Variants in LRP1B observed in about 807,000 individuals in gnomAD.
LRP1B encodes the protein low-density lipoprotein receptor-related protein 1B.
Under a neutral mutation model 556.6 loss-of-function variants are expected in LRP1B, and 217 were observed. The ratio of observed to expected loss-of-function variants is 0.39; its 90% CI spans 0.35 to 0.44. LRP1B has a LOEUF of 0.44. Ranked by LOEUF, LRP1B falls within the 20% of genes least tolerant of loss-of-function variation. The pLI is 1.00. For missense variants in LRP1B, 5,053 were observed against 5,620.8 expected (o/e 0.90, Z 3.23); for synonymous variants, 2,047 against 1,865.8 (o/e 1.10, Z -2.50).
intron 1 of LRP1B, among the ~76,000 whole-genome samples, chr2:141,856,883 G>C (rs1201023324): frequency 6.6e-6 from 1 of 151,144 alleles, no homozygotes; most frequent in Non-Finnish European, 1.5e-5. Flanking sequence ...TTTATTAAGA[G>C]TGGTAAAATA....
At position 140,501,837 on chromosome 2, in the gene LRP1B, A is replaced by AT; in HGVS notation, c.8699dup (p.Asn2900LysfsTer14). The stretch of plus-strand genomic sequence containing the variant: ...GACCTCCACTGGGAATGCACCTGCC[A>AT]TTTTTGCACATAAAAAATGAACTGT... On this transcript the variant is annotated frameshift_variant, in exon 55 of 91. Coordinates refer to ENST00000389484, the MANE Select transcript of LRP1B (RefSeq NM_018557.3). LOFTEE classifies it high-confidence loss of function. 6.2e-7 allele frequency: 1 copy of AT among 1,608,136 alleles called. No homozygotes were observed. Among genetic ancestry groups the AT allele is most frequent in the Non-Finnish European group, 8.5e-7 (1 of 1,176,750 alleles).
intron 1 of LRP1B, among the ~76,000 whole-genome samples, chr2:141,845,175 G>C (rs1176650251): frequency 6.6e-6 from 1 of 151,474 alleles, no homozygotes; most frequent in African/African-American, 2.4e-5. Context: ...TCAGCTTCAA[G>C]GTTATTTTTT....
chr2:140,589,572 T>TA (rs1294907379), intron 43 of LRP1B, among the ~76,000 whole-genome samples: 18 of 152,154 alleles, frequency 1.2e-4, no homozygotes, highest in African/African-American at 4.3e-4. Context: ...TGAATAAAGA[T>TA]ACTGTGGCTT....
At chr2:141,919,390 C>T (rs1270926384) in intron 1 of LRP1B, among the ~76,000 whole-genome samples, 1 of 151,938 alleles carries the variant, frequency 6.6e-6, no homozygotes, top group African/African-American at 2.4e-5. Flanking sequence ...ACATTTCCTG[C>T]ACTAATATAA....
At chr2:140,717,083 T>G (rs913622488) in intron 35 of LRP1B, among the ~76,000 whole-genome samples, 17 of 152,124 alleles carry the variant, frequency 1.1e-4, no homozygotes, top group Non-Finnish European at 2.5e-4. Context: ...TTATTGTTTT[T>G]ATTAATTTCT....
intron 31 of LRP1B, among the ~76,000 whole-genome samples, chr2:140,821,084 T>G (rs1691313532): frequency 6.6e-6 from 1 of 152,086 alleles, no homozygotes; most frequent in Non-Finnish European, 1.5e-5. Context: ...CATTGAGTGT[T>G]TTTGTTTTGT....
rs118146075 is a variant in LRP1B at position 140,767,870 on chromosome 2, A to G, written c.5758+1343T>C. Among the ~76,000 whole-genome samples the G allele has an allele frequency of 7.2e-4, 110 of 152,052 alleles. No homozygotes were observed. The East Asian group carries it at 0.017, about 23-fold the overall frequency. On this transcript the variant is annotated intron_variant, in intron 35 of 90. Transcript: ENST00000389484. ...AAAAATACATGCATGTACTGTATAC[A>G]TAAAATCTTTTAAAAGTTCAAATTT...
intron 83 of LRP1B, among the ~76,000 whole-genome samples, chr2:140,312,827 A>G (rs925047133): frequency 6.6e-6 from 1 of 151,954 alleles, no homozygotes; most frequent in East Asian, 1.9e-4. Context: ...TCATTCCTAC[A>G]TGTAAAATTT....
chr2:140,563,389 A>G (rs549361847), intron 43 of LRP1B, among the ~76,000 whole-genome samples: 65 of 149,630 alleles, frequency 4.3e-4, no homozygotes, highest in African/African-American at 1.4e-3. Flanking sequence ...AGCTATATAA[A>G]TGCTTTTTCT....
At chr2:140,321,639 T>C (rs1190909703) in intron 82 of LRP1B, among the ~76,000 whole-genome samples, 3 of 151,880 alleles carry the variant, frequency 2.0e-5, no homozygotes, top group African/African-American at 7.2e-5. Flanking sequence ...TTGAAACCCA[T>C]AGCAGAATGT....
chr2:141,695,374 T>C (rs913123048), intron 2 of LRP1B, among the ~76,000 whole-genome samples: 14 of 151,986 alleles, frequency 9.2e-5, no homozygotes, highest in African/African-American at 3.4e-4. Context: ...ATGCCTGACC[T>C]ACTTTAAAAG....
At chr2:141,860,664 G>A (rs1349449077) in intron 1 of LRP1B, among the ~76,000 whole-genome samples, 2 of 152,088 alleles carry the variant, frequency 1.3e-5, no homozygotes, top group Non-Finnish European at 2.9e-5. Context: ...AAAGTAATTA[G>A]ATGGTAAAAA....
At chr2:141,887,654 G>A (rs992898266) in intron 1 of LRP1B, among the ~76,000 whole-genome samples, 1 of 152,204 alleles carries the variant, frequency 6.6e-6, no homozygotes, top group Non-Finnish European at 1.5e-5. Context: ...GCTGTCTGAG[G>A]TACTTCTAAA....
At chr2:141,527,997 C>T (rs922930950) in intron 2 of LRP1B, among the ~76,000 whole-genome samples, 3 of 152,092 alleles carry the variant, frequency 2.0e-5, no homozygotes, top group Middle Eastern at 3.4e-3. Context: ...TCTACTAAAA[C>T]AGTCATCTGC....
intron 3 of LRP1B, among the ~76,000 whole-genome samples, chr2:141,422,792 G>A (rs902928706): frequency 1.3e-5 from 2 of 152,020 alleles, no homozygotes; most frequent in Non-Finnish European, 2.9e-5. Context: ...TTATGTCTCA[G>A]TATGCCAAGC....
At chr2:140,303,412 T>C (rs1683927787) in intron 83 of LRP1B, among the ~76,000 whole-genome samples, 1 of 151,818 alleles carries the variant, frequency 6.6e-6, no homozygotes, top group Admixed American at 6.6e-5. Context: ...GATGCCTGGC[T>C]ATTTTTTTGT....
At chr2:140,775,986 GT>G in intron 33 of LRP1B, 111 bp downstream of exon 33, 1 of 947,496 alleles carries the variant, frequency 1.1e-6, no homozygotes, top group Non-Finnish European at 1.6e-6. Context: ...TTTTTTCTCT[GT>G]TTTTATTAGA....
chr2:140,735,039 CA>C (rs1210360117), intron 35 of LRP1B, among the ~76,000 whole-genome samples: 7 of 152,094 alleles, frequency 4.6e-5, no homozygotes, highest in Non-Finnish European at 8.8e-5. Flanking sequence ...CAAACTAGCA[CA>C]AGAGATGATG....
chr2:141,155,472 TTC>T (rs1367381448), intron 7 of LRP1B, among the ~76,000 whole-genome samples: 3 of 114,634 alleles, frequency 2.6e-5, no homozygotes, highest in African/African-American at 2.7e-5. Context: ...TTTTATTTTT[TTC>T]TTTTTATTAT....
Sources: allele counts gnomAD v4.1 joint callset (sites outside exome capture counted in the v4.1 genomes callset), GRCh38; gene constraint gnomAD v4.1.1; transcripts MANE v1.5; gene names NCBI Gene and HGNC (gene_info 2026-07-23, HGNC 2026-07-21).